CCBE1: variants seen among roughly 807,000 people sequenced by gnomAD.
CCBE1 encodes the protein collagen and calcium binding EGF domains 1, also known as collagen and calcium-binding EGF domain-containing protein 1.
A neutral mutation model predicts 50.0 loss-of-function variants in CCBE1; 37 were observed. The ratio of observed to expected loss-of-function variants is 0.74; its 90% CI spans 0.57 to 0.97. CCBE1 has a LOEUF of 0.97. Ranked by LOEUF, CCBE1 falls within the 50% of genes least tolerant of loss-of-function variation. The pLI, the probability that CCBE1 is intolerant of heterozygous loss-of-function variation, is 0.00. For missense variants in CCBE1, 538 were observed against 523.8 expected, an observed-to-expected ratio of 1.03 and a Z score of -0.26; for synonymous variants, 234 against 203.7, an observed-to-expected ratio of 1.15 and a Z score of -1.27.
intron 2 of CCBE1, among the ~76,000 whole-genome samples, chr18:59,607,059 A>G (rs1342487737): frequency 2.8e-4 from 15 of 52,662 alleles, no homozygotes; most frequent in East Asian, 1.6e-3. Context: ...TGAATTGGGA[A>G]AAAAAAAAAA....
intron 7 of CCBE1, among the ~76,000 whole-genome samples, chr18:59,445,456 A>C (rs1413146810): frequency 6.6e-6 from 1 of 152,228 alleles, no homozygotes; most frequent in Non-Finnish European, 1.5e-5. Flanking sequence ...TTTTAAATGC[A>C]CATAGTAATT....
intron 2 of CCBE1, among the ~76,000 whole-genome samples, chr18:59,567,662 G>T (rs1368341745): frequency 6.6e-6 from 1 of 152,130 alleles, no homozygotes; most frequent in Non-Finnish European, 1.5e-5. Flanking sequence ...CCCCTTCTGT[G>T]TGTCATTTTC....
intron 2 of CCBE1, among the ~76,000 whole-genome samples, chr18:59,631,074 T>C (rs1174596439): frequency 6.6e-6 from 1 of 152,186 alleles, no homozygotes; most frequent in Non-Finnish European, 1.5e-5. Context: ...TCCTGTCATC[T>C]CATGCGATTC....
intron 2 of CCBE1, among the ~76,000 whole-genome samples, chr18:59,548,362 T>C (rs1915788404): frequency 6.6e-6 from 1 of 152,238 alleles, no homozygotes; most frequent in Admixed American, 6.5e-5. Context: ...TAGTGAGTTA[T>C]ATCTAAAGGA....
At chr18:59,620,177 A>G (rs1346335681) in intron 2 of CCBE1, among the ~76,000 whole-genome samples, 2 of 152,172 alleles carry the variant, frequency 1.3e-5, no homozygotes, top group Non-Finnish European at 2.9e-5. Flanking sequence ...GGCCCCTTAG[A>G]GCACCCTCCT....
rs544650967 is a variant in CCBE1 at position 59,513,795 on chromosome 18, G to T, written c.213-33557C>A. On this transcript the variant is annotated intron_variant, in intron 2 of 10. Coordinates refer to ENST00000439986, the MANE Select transcript of CCBE1 (RefSeq NM_133459.4). ...ACCTCATATTAGAGACATGGAAATG[G>T]GGGCTCAGTGCTGGAGTTCAGACTC... Among the ~76,000 whole-genome samples, 25 of 152,324 alleles carry T rather than the reference G, an allele frequency of 1.6e-4. No individual in the cohort carries two copies. In the South Asian group the frequency reaches 5.0e-3, roughly 30 times the overall value.
chr18:59,460,688 T>C (rs981938050), intron 5 of CCBE1, among the ~76,000 whole-genome samples: 8 of 152,116 alleles, frequency 5.3e-5, no homozygotes, highest in Non-Finnish European at 8.8e-5. Flanking sequence ...TCCCAGCACA[T>C]TGGGAGGTCA....
chr18:59,459,866 C>T, intron 5 of CCBE1, among the ~76,000 whole-genome samples: 1 of 152,168 alleles, frequency 6.6e-6, no homozygotes, highest in East Asian at 1.9e-4. Context: ...AAAAAGCTCC[C>T]CAGGTAATTG....
rs1314536159 is a variant in CCBE1, at chr18:59,654,768, G to C, written c.212+41861C>G. 3.1e-4 allele frequency among the ~76,000 whole-genome samples: 44 copies of C among 143,464 alleles called. 1 individual carries two copies. The highest frequency in any genetic ancestry group is 1.1e-3 in the African/African-American group (41 of 38,850). The allele number at this position is 143,464 out of a possible 152,430, so 94.1% of individuals were successfully genotyped here. ...GATCGTGCCACTGCGCTCCAGCCTG[G>C]TGACAGAGTGAGACTCCGTCTCCAA... On this transcript the variant is annotated intron_variant, in intron 2 of 10. Transcript: ENST00000439986.
intron 2 of CCBE1, among the ~76,000 whole-genome samples, chr18:59,492,235 CCTT>C (rs1477616068): frequency 2.0e-5 from 3 of 151,470 alleles, no homozygotes; most frequent in Non-Finnish European, 2.9e-5. Flanking sequence ...TAAAATATTG[CCTT>C]CTATTTTTTT....
At chr18:59,636,050 G>A (rs535752413) in intron 2 of CCBE1, among the ~76,000 whole-genome samples, 2 of 152,200 alleles carry the variant, frequency 1.3e-5, no homozygotes, top group African/African-American at 2.4e-5. Flanking sequence ...CTACTCAGAA[G>A]GCTGAGGGAG....
chr18:59,697,354 C>G lies in CCBE1; in HGVS notation c.-12G>C. The G allele has an allele frequency of 1.9e-6, 3 of 1,544,802 alleles. No homozygotes were observed. The highest frequency in any genetic ancestry group is 1.7e-6 in the Non-Finnish European group (2 of 1,146,392). On this transcript the variant is annotated 5_prime_UTR_variant, in exon 1 of 11. Coordinates refer to ENST00000439986, the MANE Select transcript of CCBE1 (RefSeq NM_133459.4). Reference sequence around the variant, plus strand: ...GGCGGCGGCACCATCAGGGAAGCTCCCGGCTTCTTCCCAGCGCCGAGCTCC... The same window carrying G: ...GGCGGCGGCACCATCAGGGAAGCTCGCGGCTTCTTCCCAGCGCCGAGCTCC...
In CCBE1 at chr18:59,600,322, C is replaced by T. The variant is rs547125403; in HGVS notation, c.212+96307G>A. Among the ~76,000 whole-genome samples the T allele has an allele frequency of 2.6e-5, 4 of 152,050 alleles. No individual in the cohort carries two copies. In the South Asian group the frequency reaches 8.4e-4, roughly 32 times the overall value. ...CTAATGCATGGTGATCTGTCACTGT[C>T]ACCCATCATTCCCAAATGGGACTAT... On this transcript the variant is annotated intron_variant, in intron 2 of 10. Coordinates refer to ENST00000439986, the MANE Select transcript of CCBE1 (RefSeq NM_133459.4).
intron 2 of CCBE1, among the ~76,000 whole-genome samples, chr18:59,535,977 G>A (rs986756329): frequency 5.3e-5 from 8 of 152,130 alleles, no homozygotes; most frequent in Non-Finnish European, 7.4e-5. Context: ...CACAAGCCAC[G>A]GTGCCTGGCT....
chr18:59,589,709 G>C (rs1181277285), intron 2 of CCBE1, among the ~76,000 whole-genome samples: 3 of 144,770 alleles, frequency 2.1e-5, no homozygotes, highest in African/African-American at 2.6e-5. Context: ...TGAGGCAGGA[G>C]AATGGCGCGA....
chr18:59,454,822 A>G lies in CCBE1; in HGVS notation c.654+29T>C, dbSNP rs751959127. 1.1e-5 allele frequency: 18 copies of G among 1,584,230 alleles called. No homozygotes were observed. In the East Asian group the frequency reaches 3.1e-4, roughly 28 times the overall value. On this transcript the variant is annotated intron_variant, in intron 6 of 10. Coordinates refer to ENST00000439986, the MANE Select transcript of CCBE1 (RefSeq NM_133459.4). ...TGGCCAAGCCCTCCTTCCATCAGGC[A>G]TCATCGTTCCCACCCCAGCGGCACG...
intron 2 of CCBE1, among the ~76,000 whole-genome samples, chr18:59,547,139 AG>A (rs1357255817): frequency 2.2e-5 from 3 of 136,790 alleles, no homozygotes; most frequent in African/African-American, 8.3e-5. Context: ...GAGAGAGGGG[AG>A]AGAGAGGGAG....
At chr18:59,669,858 A>T (rs1043250167) in intron 2 of CCBE1, among the ~76,000 whole-genome samples, 15 of 152,220 alleles carry the variant, frequency 9.9e-5, no homozygotes, top group African/African-American at 3.1e-4. Flanking sequence ...GGAAATAATT[A>T]CTAACGCCAT....
chr18:59,652,671 G>C (rs1356956281), intron 2 of CCBE1, among the ~76,000 whole-genome samples: 1 of 152,198 alleles, frequency 6.6e-6, no homozygotes, highest in Non-Finnish European at 1.5e-5. Context: ...CCCAGCTAAA[G>C]AAAGGATTTT....
Sources: allele counts gnomAD v4.1 joint callset (sites outside exome capture counted in the v4.1 genomes callset), GRCh38; gene constraint gnomAD v4.1.1; transcripts MANE v1.5; gene names NCBI Gene and HGNC (gene_info 2026-07-23, HGNC 2026-07-21).